NHSL2: variants seen among roughly 807,000 people sequenced by gnomAD.
The protein encoded by NHSL2 is NHS like 2, also known as NHS-like protein 2.
Under a neutral mutation model 53.4 loss-of-function variants are expected in NHSL2, and 27 were observed. That is an observed-to-expected ratio of 0.51 (90% CI 0.37 to 0.70). The LOEUF (loss-of-function observed/expected upper bound fraction) is 0.70, where lower values mean the gene tolerates loss of function less well. Ranked by LOEUF, NHSL2 falls within the 30% of genes least tolerant of loss-of-function variation. The probability of loss-of-function intolerance (pLI) is 0.00; values close to 1 mark genes in which losing one functional copy is unlikely to be tolerated. For synonymous variants in NHSL2, 408 were observed against 404.1 expected, an observed-to-expected ratio of 1.01 and a Z score of -0.12; for missense variants, 892 against 980.1, an observed-to-expected ratio of 0.91 and a Z score of 1.20.
chrX:71,964,398 C>CT (rs1049238796), intron 1 of NHSL2, among the ~76,000 whole-genome samples: 2 of 109,684 alleles, frequency 1.8e-5, no homozygotes, highest in Admixed American at 2.0e-4. Flanking sequence ...TGAACTCATC[C>CT]TTTTTTATGG....
rs2041876170 is a variant in NHSL2 at position 71,963,222 on chromosome X, T to A, written c.280+51855T>A. Among the ~76,000 whole-genome samples, 4 of 111,101 alleles carry A rather than the reference T, an allele frequency of 3.6e-5. No homozygotes were observed. In the Admixed American group the frequency reaches 3.9e-4, roughly 11 times the overall value. On this transcript the variant is annotated intron_variant, in intron 1 of 7. Coordinates refer to ENST00000633930, the MANE Select transcript of NHSL2 (RefSeq NM_001013627.3). ...CATTATTGAAAGTGGTAAATTAATCTGTTTATGGTAAGCCCTAGAGCAACA... is the reference window on the plus strand; with the variant it reads ...CATTATTGAAAGTGGTAAATTAATCAGTTTATGGTAAGCCCTAGAGCAACA...
chrX:72,010,197 C>T (rs2042110024), intron 1 of NHSL2, among the ~76,000 whole-genome samples: 1 of 112,249 alleles, frequency 8.9e-6, no homozygotes, highest in Non-Finnish European at 1.9e-5. Context: ...TTCTTCCATA[C>T]CTCAAAGGTA....
At chrX:72,056,423 A>G (rs966948796) in intron 1 of NHSL2, among the ~76,000 whole-genome samples, 1 of 111,874 alleles carries the variant, frequency 8.9e-6, no homozygotes, top group African/African-American at 3.3e-5. Flanking sequence ...GGAAGTGTCT[A>G]TTTACCAACA....
intron 1 of NHSL2, among the ~76,000 whole-genome samples, chrX:71,919,493 A>G (rs1207309656): frequency 8.9e-6 from 1 of 112,248 alleles, no homozygotes; most frequent in African/African-American, 3.2e-5. Context: ...AAGTTATAAT[A>G]AGAATGTTCC....
At chrX:71,955,990 G>A (rs1337990786) in intron 1 of NHSL2, among the ~76,000 whole-genome samples, 1 of 110,829 alleles carries the variant, frequency 9.0e-6, no homozygotes. Context: ...CAGAGGCAGA[G>A]AGAAGCTCCT....
At chrX:72,102,436 T>C (rs1362309076) in intron 1 of NHSL2, among the ~76,000 whole-genome samples, 1 of 111,798 alleles carries the variant, frequency 8.9e-6, no homozygotes, top group African/African-American at 3.3e-5. Flanking sequence ...CCTGTATATA[T>C]AATCTTAGTC....
chrX:72,141,756 A>G (rs970650639), intron 6 of NHSL2, among the ~76,000 whole-genome samples: 2 of 112,234 alleles, frequency 1.8e-5, no homozygotes, highest in Non-Finnish European at 3.8e-5. Context: ...ATGGCCTTCT[A>G]TATGCAAATT....
At chrX:72,015,003 G>T (rs1188197376) in intron 1 of NHSL2, among the ~76,000 whole-genome samples, 2 of 110,799 alleles carry the variant, frequency 1.8e-5, no homozygotes, top group African/African-American at 6.6e-5. Context: ...ATTTTTTTCT[G>T]TGGTATTTGG....
intron 1 of NHSL2, among the ~76,000 whole-genome samples, chrX:72,017,045 C>A (rs73634900): frequency 1.9e-3 from 214 of 111,465 alleles, no homozygotes; most frequent in African/African-American, 6.4e-3. Flanking sequence ...TAGGAGTGGC[C>A]CCTGTTCCAT....
chrX:71,987,681 C>T (rs763343659), intron 1 of NHSL2, among the ~76,000 whole-genome samples: 2 of 112,270 alleles, frequency 1.8e-5, no homozygotes, highest in Non-Finnish European at 3.8e-5. Context: ...TTGATTTAAG[C>T]TCTTATTTTT....
intron 1 of NHSL2, among the ~76,000 whole-genome samples, chrX:72,000,424 A>G (rs994200122): frequency 3.6e-5 from 4 of 112,245 alleles, no homozygotes; most frequent in African/African-American, 1.3e-4. Flanking sequence ...GTCCAAAGCC[A>G]ATTGTATTAG....
At chrX:71,930,232 C>T (rs1458546304) in intron 1 of NHSL2, among the ~76,000 whole-genome samples, 2 of 112,170 alleles carry the variant, frequency 1.8e-5, no homozygotes, top group Non-Finnish European at 3.8e-5. Flanking sequence ...TTCAGCTGTG[C>T]TGGCCTCATT....
intron 2 of NHSL2, chrX:72,133,821 T>C: frequency 3.8e-6 from 1 of 264,363 alleles, no homozygotes; most frequent in Non-Finnish European, 6.7e-6. Context: ...AACTGAGCAC[T>C]CAAGGTGGGG....
intron 1 of NHSL2, among the ~76,000 whole-genome samples, chrX:71,990,637 C>G (rs1203144909): frequency 9.0e-6 from 1 of 111,594 alleles, no homozygotes; most frequent in Non-Finnish European, 1.9e-5. Context: ...CTCATCACCT[C>G]AGGCCTACTA....
chrX:71,915,953 A>AG (rs768505705), intron 1 of NHSL2, among the ~76,000 whole-genome samples: 1 of 112,322 alleles, frequency 8.9e-6, no homozygotes, highest in Non-Finnish European at 1.9e-5. Context: ...GGAGAAAGGA[A>AG]GGTCAAACTT....
intron 1 of NHSL2, among the ~76,000 whole-genome samples, chrX:72,038,033 C>T (rs751633232): frequency 2.2e-4 from 25 of 112,216 alleles, no homozygotes; most frequent in African/African-American, 7.1e-4. Flanking sequence ...CTATTTGTTT[C>T]GGCAGCACAG....
intron 1 of NHSL2, chrX:72,129,733 G>C (rs2042264476): frequency 1.2e-6 from 1 of 853,889 alleles, no homozygotes; most frequent in Non-Finnish European, 1.6e-6. Context: ...GAAACTCCCT[G>C]AAGTCCTGGT....
intron 1 of NHSL2, among the ~76,000 whole-genome samples, chrX:72,063,870 G>A (rs1706059445): frequency 9.0e-6 from 1 of 110,759 alleles, no homozygotes; most frequent in Non-Finnish European, 1.9e-5. Flanking sequence ...TTACGTTTGG[G>A]AAGATCAGAA....
At chrX:71,919,316 T>C (rs943614103) in intron 1 of NHSL2, among the ~76,000 whole-genome samples, 1 of 111,325 alleles carries the variant, frequency 9.0e-6, no homozygotes, top group Admixed American at 9.5e-5. Flanking sequence ...TAAAATGGGG[T>C]TAAATACTAC....
Sources: allele counts gnomAD v4.1 joint callset (sites outside exome capture counted in the v4.1 genomes callset), GRCh38; gene constraint gnomAD v4.1.1; transcripts MANE v1.5; gene names NCBI Gene and HGNC (gene_info 2026-07-23, HGNC 2026-07-21).